The following PTPRK variants were observed in gnomAD, a reference collection of about 807,000 sequenced individuals.
The protein encoded by PTPRK is protein tyrosine phosphatase receptor type K, also known as receptor-type tyrosine-protein phosphatase kappa.
A neutral mutation model predicts 178.0 loss-of-function variants in PTPRK; 75 were observed. That is an observed-to-expected ratio of 0.42 (90% CI 0.35 to 0.51). The LOEUF (loss-of-function observed/expected upper bound fraction) is 0.51. PTPRK is among the 20% of genes least tolerant of loss of function. PTPRK has a pLI of 0.02. For synonymous variants in PTPRK, 637 were observed against 620.6 expected (o/e 1.03, Z -0.39); for missense variants, 1,441 against 1,797.8 (o/e 0.80, Z 3.59).
intron 1 of PTPRK, among the ~76,000 whole-genome samples, chr6:128,477,908 T>A (rs1350238086): frequency 6.6e-6 from 1 of 152,070 alleles, no homozygotes; most frequent in Non-Finnish European, 1.5e-5. Flanking sequence ...TAACAACTCC[T>A]TCTCCAGCCA....
chr6:128,216,144 T>C (rs1228806371), intron 6 of PTPRK, among the ~76,000 whole-genome samples: 2 of 152,292 alleles, frequency 1.3e-5, no homozygotes, highest in South Asian at 2.1e-4. Flanking sequence ...TCTAAAATGA[T>C]AGCAGATTCT....
intron 2 of PTPRK, among the ~76,000 whole-genome samples, chr6:128,385,297 G>A (rs1051391289): frequency 4.6e-4 from 70 of 151,926 alleles, no homozygotes; most frequent in African/African-American, 1.6e-3. Context: ...TTGGACAACC[G>A]CAGGGATTCA....
At position 128,064,725 on chromosome 6, in the gene PTPRK, A is replaced by G. The variant is rs747200599; in HGVS notation, c.2194+33T>C. 9 of 1,577,264 alleles carry G rather than the reference A, an allele frequency of 5.7e-6. No individual in the cohort carries two copies. The East Asian group carries it at 1.1e-4, about 20-fold the overall frequency. ...TCCATTTTAGAAAGGGGGTGAGAGTAGTTAAAACAAGCAAAAAAAGCAAAC... is the reference window on the plus strand; with the variant it reads ...TCCATTTTAGAAAGGGGGTGAGAGTGGTTAAAACAAGCAAAAAAAGCAAAC... On this transcript the variant is annotated intron_variant, in intron 13 of 29. Coordinates refer to ENST00000368226, the MANE Select transcript of PTPRK (RefSeq NM_002844.4).
intron 1 of PTPRK, among the ~76,000 whole-genome samples, chr6:128,444,514 G>C (rs1213896145): frequency 3.9e-5 from 6 of 151,962 alleles, no homozygotes; most frequent in Admixed American, 3.9e-4. Flanking sequence ...TATATGCTGA[G>C]CCCTCTTTCC....
intron 1 of PTPRK, among the ~76,000 whole-genome samples, chr6:128,468,425 G>A (rs1031310090): frequency 1.3e-5 from 2 of 150,076 alleles, no homozygotes; most frequent in Non-Finnish European, 3.0e-5. Flanking sequence ...CTTCATTTAA[G>A]AGCCTGACAA....
intron 14 of PTPRK, among the ~76,000 whole-genome samples, chr6:128,008,350 C>T (rs954890436): frequency 1.1e-5 from 1 of 95,068 alleles, no homozygotes; most frequent in African/African-American, 2.7e-5. Context: ...TTTAAAAGTC[C>T]TTCCAAATTG....
At chr6:128,290,945 T>TGTTCTGG (rs1823279608) in intron 3 of PTPRK, among the ~76,000 whole-genome samples, 1 of 152,116 alleles carries the variant, frequency 6.6e-6, no homozygotes, top group East Asian at 1.9e-4. Context: ...AGTCTCATTT[T>TGTTCTGG]ATAAATAAGG....
intron 5 of PTPRK, among the ~76,000 whole-genome samples, chr6:128,230,121 C>T (rs1480619800): frequency 6.6e-6 from 1 of 152,096 alleles, no homozygotes; most frequent in Admixed American, 6.5e-5. Context: ...ATGGTGTTGC[C>T]AAAGGATCAA....
At chr6:128,497,865 T>C (rs965628500) in intron 1 of PTPRK, among the ~76,000 whole-genome samples, 3 of 152,004 alleles carry the variant, frequency 2.0e-5, no homozygotes, top group Non-Finnish European at 4.4e-5. Context: ...TGACTACGAA[T>C]CACTTTAAAA....
chr6:128,454,671 TA>T (rs1210921132), intron 1 of PTPRK, among the ~76,000 whole-genome samples: 1 of 152,114 alleles, frequency 6.6e-6, no homozygotes, highest in African/African-American at 2.4e-5. Flanking sequence ...ATATACCTAA[TA>T]AAAAATGTTA....
At chr6:128,391,638 TA>T (rs1426289235) in intron 2 of PTPRK, among the ~76,000 whole-genome samples, 2 of 152,076 alleles carry the variant, frequency 1.3e-5, no homozygotes, top group Non-Finnish European at 2.9e-5. Flanking sequence ...TCATCTATAA[TA>T]GGGGGATGAA....
chr6:128,381,436 C>T (rs1837900971), intron 2 of PTPRK, among the ~76,000 whole-genome samples: 2 of 151,978 alleles, frequency 1.3e-5, no homozygotes, highest in South Asian at 4.2e-4. Flanking sequence ...AAAATAATTC[C>T]TAATGAGCTA....
chr6:128,163,341 A>G (rs1415654671), intron 7 of PTPRK, among the ~76,000 whole-genome samples: 2 of 151,226 alleles, frequency 1.3e-5, no homozygotes, highest in Non-Finnish European at 3.0e-5. Context: ...ATTTTAATAT[A>G]AATTTATATT....
intron 1 of PTPRK, among the ~76,000 whole-genome samples, chr6:128,510,447 T>C (rs184252390): frequency 1.6e-3 from 246 of 152,350 alleles, no homozygotes; most frequent in African/African-American, 5.6e-3. Context: ...CAGATATACA[T>C]AATAAATTTA....
chr6:128,124,300 G>A (rs1314880613), intron 7 of PTPRK, among the ~76,000 whole-genome samples: 6 of 151,942 alleles, frequency 3.9e-5, no homozygotes, highest in African/African-American at 1.2e-4. Flanking sequence ...CACCCACCAC[G>A]GCCTCCCAAA....
intron 13 of PTPRK, among the ~76,000 whole-genome samples, chr6:128,048,058 A>C (rs747329858): frequency 6.6e-6 from 1 of 152,132 alleles, no homozygotes; most frequent in Non-Finnish European, 1.5e-5. Flanking sequence ...GAAGGAAAAC[A>C]TTTCTTTGAA....
At chr6:128,482,364 G>T (rs932117985) in intron 1 of PTPRK, among the ~76,000 whole-genome samples, 1 of 152,062 alleles carries the variant, frequency 6.6e-6, no homozygotes, top group Non-Finnish European at 1.5e-5. Context: ...TATTGCTTAC[G>T]CTACTCTGAA....
chr6:128,058,992 A>C (rs1485743103), intron 13 of PTPRK, among the ~76,000 whole-genome samples: 1 of 151,988 alleles, frequency 6.6e-6, no homozygotes, highest in Non-Finnish European at 1.5e-5. Context: ...GTGTGTGTGC[A>C]TCTATTACTG....
At chr6:128,046,089 C>A (rs968951698) in intron 13 of PTPRK, among the ~76,000 whole-genome samples, 2 of 152,082 alleles carry the variant, frequency 1.3e-5, no homozygotes, top group Non-Finnish European at 2.9e-5. Context: ...AAAGTCAGTT[C>A]TAAGTCATGA....
Sources: gnomAD v4.1 joint callset for allele counts (sites outside exome capture counted in the v4.1 genomes callset) on GRCh38, gnomAD v4.1.1 for gene constraint, MANE v1.5 for transcripts, NCBI Gene and HGNC (gene_info 2026-07-23, HGNC 2026-07-21) for gene names.